The following ANKDD1B variants were observed in gnomAD, a reference collection of about 807,000 sequenced individuals.
ANKDD1B encodes ankyrin repeat and death domain containing 1B.
A neutral mutation model predicts 59.7 loss-of-function variants in ANKDD1B; 57 were observed. The ratio of observed to expected loss-of-function variants is 0.95; its 90% confidence interval spans 0.77 to 1.19. The LOEUF (loss-of-function observed/expected upper bound fraction) is 1.19, where lower values mean the gene tolerates loss of function less well. ANKDD1B is among the 50% of genes most tolerant of loss of function. The pLI, the probability that ANKDD1B is intolerant of heterozygous loss-of-function variation, is 0.00. For synonymous variants in ANKDD1B, 216 were observed against 239.5 expected, an observed-to-expected ratio of 0.90 and a Z score of 0.91; for missense variants, 602 against 641.9, an observed-to-expected ratio of 0.94 and a Z score of 0.67.
intron 7 of ANKDD1B, among the ~76,000 whole-genome samples, chr5:75,636,648 C>T (rs1469503147): frequency 6.6e-6 from 1 of 152,078 alleles, no homozygotes; most frequent in East Asian, 1.9e-4. Flanking sequence ...CAGGAGAGCC[C>T]AGAAGTGGGG....
chr5:75,642,065 A>T (rs912586379), intron 7 of ANKDD1B, among the ~76,000 whole-genome samples: 1 of 152,194 alleles, frequency 6.6e-6, no homozygotes, highest in Non-Finnish European at 1.5e-5. Flanking sequence ...TAATCATAGA[A>T]CACTAATTGA....
Position 75,625,632 on chromosome 5 carries a change from G to A in ANKDD1B, c.397-15G>A, listed in dbSNP as rs1773972215. 1.3e-6 allele frequency: 2 copies of A among 1,533,556 alleles called. No homozygotes were observed. The highest frequency in any genetic ancestry group is 2.4e-5 in the East Asian group (1 of 40,904). 95.0% of individuals were successfully genotyped at this position (1,533,556 alleles called of 1,614,324 possible). A position where few individuals can be genotyped will look rare whatever the true frequency, so the allele number is the denominator to read the frequency against. Reference sequence around the variant, plus strand: ...TCAGAGTGATAGATTCTCTTTTTCTGTCTTCTTGGGGAAGCACGGCTTGAC... The same window carrying A: ...TCAGAGTGATAGATTCTCTTTTTCTATCTTCTTGGGGAAGCACGGCTTGAC... On this transcript the variant is annotated splice_polypyrimidine_tract_variant and intron_variant, in intron 3 of 13. Transcript: ENST00000601380.
chr5:75,630,893 T>A (rs763515042), intron 5 of ANKDD1B, among the ~76,000 whole-genome samples: 1 of 152,242 alleles, frequency 6.6e-6, no homozygotes, highest in Non-Finnish European at 1.5e-5. Flanking sequence ...GCCTCAGGTT[T>A]AATATCCTTA....
intron 8 of ANKDD1B, 61 bp downstream of exon 8, chr5:75,653,301 G>C (rs1397995564): frequency 8.6e-7 from 1 of 1,165,350 alleles, no homozygotes; most frequent in Non-Finnish European, 1.2e-6. Context: ...CTGTGTCAGG[G>C]AGATGCCCCT....
At chr5:75,631,495 G>A (rs1774157992) in intron 5 of ANKDD1B, among the ~76,000 whole-genome samples, 1 of 152,132 alleles carries the variant, frequency 6.6e-6, no homozygotes, top group East Asian at 1.9e-4. Flanking sequence ...TTGGAACTAG[G>A]CATCTCTCTC....
intron 7 of ANKDD1B, among the ~76,000 whole-genome samples, chr5:75,649,459 A>G (rs1349992131): frequency 6.6e-6 from 1 of 152,198 alleles, no homozygotes; most frequent in Non-Finnish European, 1.5e-5. Flanking sequence ...TTCTTTTGGT[A>G]TCGTGGAACC....
intron 5 of ANKDD1B, among the ~76,000 whole-genome samples, chr5:75,627,169 G>A (rs192689092): frequency 1.0e-3 from 153 of 152,288 alleles, no homozygotes; most frequent in African/African-American, 3.4e-3. Context: ...TAGCTGTGTG[G>A]TTTTAAGCAA....
At chr5:75,653,514 C>T (rs139567811) in intron 8 of ANKDD1B, among the ~76,000 whole-genome samples, 321 of 152,266 alleles carry the variant, frequency 2.1e-3, no homozygotes, top group Non-Finnish European at 3.5e-3. Context: ...CTTTCTCATA[C>T]GTCTAGAGAT....
chr5:75,657,771 C>T (rs1199269436), intron 9 of ANKDD1B, among the ~76,000 whole-genome samples: 1 of 151,890 alleles, frequency 6.6e-6, no homozygotes, highest in Non-Finnish European at 1.5e-5. Flanking sequence ...AGCTGGGCGC[C>T]TGTAATCCCA....
At chr5:75,658,155 C>G (rs1775023149) in intron 9 of ANKDD1B, among the ~76,000 whole-genome samples, 2 of 152,080 alleles carry the variant, frequency 1.3e-5, no homozygotes. Flanking sequence ...TACTATCATG[C>G]TACTGCATTC....
intron 5 of ANKDD1B, among the ~76,000 whole-genome samples, chr5:75,632,106 C>CAA (rs529570814): frequency 5.5e-4 from 42 of 76,840 alleles, no homozygotes; most frequent in Non-Finnish European, 8.9e-4. Flanking sequence ...AACTCTGTCT[C>CAA]AAAAAAAAAA....
chr5:75,621,430 C>T (rs1355111405), intron 3 of ANKDD1B, among the ~76,000 whole-genome samples: 1 of 151,990 alleles, frequency 6.6e-6, no homozygotes, highest in Non-Finnish European at 1.5e-5. Flanking sequence ...CACCTGATAC[C>T]ATTTACAGAG....
At position 75,620,342 on chromosome 5, in the gene ANKDD1B, G is replaced by A. The variant is rs533355532; in HGVS notation, c.325G>A (p.Val109Met). 12 of 1,534,084 alleles carry A rather than the reference G, an allele frequency of 7.8e-6. No individual in the cohort carries two copies. The highest frequency in any genetic ancestry group is 2.4e-5 in the East Asian group (1 of 40,906). ...NMNRTALHFAVGRNHLSAVDF... is the reference protein window; with the variant it reads ...NMNRTALHFAMGRNHLSAVDF... ...GAACCGCACAGCCCTGCATTTTGCAGTGGGGAGAAATCATTTATCTGCAGT... is the reference window on the plus strand; with the variant it reads ...GAACCGCACAGCCCTGCATTTTGCAATGGGGAGAAATCATTTATCTGCAGT... Residue 109 changes from valine (V) to methionine (M), a missense_variant, in exon 3 of 14, where the codon GTG becomes ATG. Coordinates refer to ENST00000601380, the MANE Select transcript of ANKDD1B (RefSeq NM_001276713.2).
At chr5:75,614,494 G>T (rs1029995520) in intron 1 of ANKDD1B, among the ~76,000 whole-genome samples, 8 of 152,214 alleles carry the variant, frequency 5.3e-5, no homozygotes, top group Non-Finnish European at 1.2e-4. Context: ...TTGCTTGTAA[G>T]ATGTGCAGAA....
In ANKDD1B at chr5:75,620,359, A is replaced by C. The variant is rs1472950131; in HGVS notation, c.342A>C (p.Leu114Phe). The C allele has an allele frequency of 6.5e-7, 1 of 1,535,296 alleles. No homozygotes were observed. Among genetic ancestry groups the C allele is most frequent in the African/African-American group, 1.4e-5 (1 of 73,044 alleles). The change falls in exon 3 of 14, where the codon TTA (leucine) becomes TTC (phenylalanine). Residue 114 changes from leucine (L) to phenylalanine (F), a missense_variant. Around this residue, in one of 3 missense-constraint regions of ANKDD1B, gnomAD observed 317 missense variants for 304.6 expected, o/e 1.04. Transcript: ENST00000601380. ...ATTTTGCAGTGGGGAGAAATCATTT[A>C]TCTGCAGTGGATTTCTTGCTTAAAC... ...ALHFAVGRNH[L>F]SAVDFLLKHK...
chr5:75,648,920 C>T (rs960788653), intron 7 of ANKDD1B, among the ~76,000 whole-genome samples: 4 of 152,186 alleles, frequency 2.6e-5, no homozygotes, highest in Non-Finnish European at 5.9e-5. Context: ...CCTCCCACCT[C>T]CCCATCATCA....
At chr5:75,623,797 C>A (rs1773919585) in intron 3 of ANKDD1B, among the ~76,000 whole-genome samples, 1 of 152,142 alleles carries the variant, frequency 6.6e-6, no homozygotes, top group Non-Finnish European at 1.5e-5. Flanking sequence ...TAAAAAATAT[C>A]TCCATACATT....
chr5:75,641,970 G>A (rs1774478611), intron 7 of ANKDD1B, among the ~76,000 whole-genome samples: 1 of 152,162 alleles, frequency 6.6e-6, no homozygotes, highest in Admixed American at 6.5e-5. Flanking sequence ...CTGAAAGAAG[G>A]TTTGGTGCAT....
At chr5:75,631,401 C>T (rs1302681573) in intron 5 of ANKDD1B, among the ~76,000 whole-genome samples, 10 of 152,114 alleles carry the variant, frequency 6.6e-5, no homozygotes, top group Admixed American at 6.5e-4. Context: ...TGGTAAATTC[C>T]ATCTAGACTG....
Sources: gnomAD v4.1 joint callset for allele counts (sites outside exome capture counted in the v4.1 genomes callset) on GRCh38, gnomAD v4.1.1 for gene constraint, gnomAD v4.1.1 regional missense constraint, MANE v1.5 for transcripts, NCBI Gene and HGNC (gene_info 2026-07-23, HGNC 2026-07-21) for gene names.